SNX31: variants seen among roughly 807,000 people sequenced by gnomAD.
SNX31 encodes the protein sorting nexin-31.
SNX31 carries 58 observed loss-of-function variants against 65.4 expected under a neutral mutation model. The ratio of observed to expected loss-of-function variants is 0.89; its 90% CI spans 0.72 to 1.10. The LOEUF is 1.10. SNX31 is among the 50% of genes least tolerant of loss of function. The pLI, the probability that SNX31 is intolerant of heterozygous loss-of-function variation, is 0.00. For synonymous variants in SNX31, 181 were observed against 190.1 expected, an observed-to-expected ratio of 0.95 and a Z score of 0.39; for missense variants, 523 against 529.7, an observed-to-expected ratio of 0.99 and a Z score of 0.12.
intron 10 of SNX31, among the ~76,000 whole-genome samples, chr8:100,589,533 C>G (rs773620272): frequency 4.6e-5 from 7 of 152,158 alleles, no homozygotes; most frequent in Non-Finnish European, 8.8e-5. Flanking sequence ...GAAGGGCCAT[C>G]TGAGCAGAGG....
intron 8 of SNX31, among the ~76,000 whole-genome samples, chr8:100,605,113 G>T (rs548885407): frequency 1.3e-5 from 2 of 151,824 alleles, no homozygotes; most frequent in African/African-American, 4.9e-5. Flanking sequence ...TAACCAGGCT[G>T]GTCTTGAACT....
intron 1 of SNX31, among the ~76,000 whole-genome samples, chr8:100,662,123 C>A (rs544335113): frequency 6.6e-6 from 1 of 152,218 alleles, no homozygotes; most frequent in Non-Finnish European, 1.5e-5. Context: ...CCGTGCTCAG[C>A]CGTATTAAAT....
chr8:100,644,907 C>T (rs1488927244), intron 2 of SNX31, among the ~76,000 whole-genome samples: 2 of 152,190 alleles, frequency 1.3e-5, no homozygotes, highest in Non-Finnish European at 2.9e-5. Flanking sequence ...AAGTGATCCA[C>T]CCACCTTGGC....
intron 3 of SNX31, 94 bp downstream of exon 3, chr8:100,635,803 T>C: frequency 2.6e-6 from 2 of 771,752 alleles, no homozygotes; most frequent in Non-Finnish European, 4.2e-6. Flanking sequence ...ATAAATATAT[T>C]GTAAAAGAAT....
intron 12 of SNX31, among the ~76,000 whole-genome samples, chr8:100,582,097 T>C (rs1328965639): frequency 6.6e-6 from 1 of 152,164 alleles, no homozygotes; most frequent in Non-Finnish European, 1.5e-5. Flanking sequence ...AATACAAGGG[T>C]ACTGACTAAT....
rs71274986 is a variant in SNX31 at position 100,591,488 on chromosome 8, C to CAAA, written c.979-2512_979-2510dup. Reference sequence around the variant, plus strand: ...TGGGCAACAGAGTGAGACTCCGTCTCAAAAAAAAAAAAAAAAAAAAGAAGG... The same window carrying CAAA: ...TGGGCAACAGAGTGAGACTCCGTCTCAAAAAAAAAAAAAAAAAAAAAAAGAAGG... On this transcript the variant is annotated intron_variant, in intron 10 of 13. Coordinates refer to ENST00000311812, the MANE Select transcript of SNX31 (RefSeq NM_152628.4). Among the ~76,000 whole-genome samples, 356 of 77,482 alleles carry CAAA rather than the reference C, an allele frequency of 4.6e-3. 3 individuals carry two copies. The highest frequency in any genetic ancestry group is 0.015 in the African/African-American group (318 of 20,988). 50.8% of individuals were successfully genotyped at this position (77,482 alleles called of 152,430 possible). A position where few individuals can be genotyped will look rare whatever the true frequency, so the allele number is the denominator to read the frequency against.
Position 100,610,088 on chromosome 8 carries a change from A to G in SNX31, c.612-1525T>C, listed in dbSNP as rs76685947. On this transcript the variant is annotated intron_variant, in intron 7 of 13. Coordinates refer to ENST00000311812, the MANE Select transcript of SNX31 (RefSeq NM_152628.4). The surrounding 1 kb of genome is among the most constrained non-coding windows in gnomAD (Gnocchi z 4.0). ...CTATGCCAGAATCTCCCCTCCAGAG[A>G]CCTGATCCTCAGCTCTGACAATAGA... 0.02 allele frequency among the ~76,000 whole-genome samples: 3,088 copies of G among 152,298 alleles called. 110 individuals are homozygous for G. Among genetic ancestry groups the G allele is most frequent in the African/African-American group, 0.07 (2,899 of 41,558 alleles).
Position 100,610,242 on chromosome 8 carries a change from G to T in SNX31, c.612-1679C>A, listed in dbSNP as rs1397696595. 6.6e-6 allele frequency among the ~76,000 whole-genome samples: 1 copy of T among 152,180 alleles called. No homozygotes were observed. The highest frequency in any genetic ancestry group is 1.5e-5 in the Non-Finnish European group (1 of 68,038). ...ATCTAGAGTTTACGTATTTAAAAAA[G>T]ACATAGGCAATGCCTAATTTCTAAT... On this transcript the variant is annotated intron_variant, in intron 7 of 13. Coordinates refer to ENST00000311812, the MANE Select transcript of SNX31 (RefSeq NM_152628.4). The surrounding 1 kb of genome is among the most constrained non-coding windows in gnomAD (Gnocchi z 4.0).
At chr8:100,589,320 C>T (rs1814362692) in intron 10 of SNX31, among the ~76,000 whole-genome samples, 1 of 139,850 alleles carries the variant, frequency 7.2e-6, no homozygotes. Flanking sequence ...AAAAAAAAAG[C>T]CCATTAATGT....
At position 100,649,647 on chromosome 8, in the gene SNX31, T is replaced by C. The variant is rs1819898162; in HGVS notation, c.-133A>G. ...TCAGAGCGAACCCCGGCGCCCGCTC[T>C]CGCCGGCCGGGGACATCTACAGGTG... On this transcript the variant is annotated 5_prime_UTR_variant, in exon 1 of 14. Transcript: ENST00000311812. The C allele has an allele frequency of 1.2e-6, 1 of 859,880 alleles. No homozygotes were observed. Among genetic ancestry groups the C allele is most frequent in the East Asian group, 3.0e-5 (1 of 33,508 alleles). The allele number at this position is 859,880 out of a possible 1,614,324, so 53.3% of individuals were successfully genotyped here. A position where few individuals can be genotyped will look rare whatever the true frequency, so the allele number is the denominator to read the frequency against.
chr8:100,621,647 C>A (rs1034144293), intron 4 of SNX31, among the ~76,000 whole-genome samples: 4 of 152,194 alleles, frequency 2.6e-5, no homozygotes, highest in Non-Finnish European at 5.9e-5. Context: ...ATTCTCCTCC[C>A]CTACCAAGTG....
rs997403052 is a variant in SNX31, at chr8:100,636,961, T to A, written c.142-950A>T. The stretch of plus-strand genomic sequence containing the variant: ...GTCTCAAACTCCTGACCTTAGGTGA[T>A]CCACCTGCCTCTGCCTCCCACAGTG... On this transcript the variant is annotated intron_variant, in intron 2 of 13. Coordinates refer to ENST00000311812, the MANE Select transcript of SNX31 (RefSeq NM_152628.4). Among the ~76,000 whole-genome samples, 7 of 152,342 alleles carry A rather than the reference T, an allele frequency of 4.6e-5. No individual in the cohort carries two copies. In the East Asian group the frequency reaches 1.3e-3, roughly 29 times the overall value.
intron 8 of SNX31, among the ~76,000 whole-genome samples, chr8:100,603,878 C>T (rs1815893360): frequency 6.6e-6 from 1 of 152,178 alleles, no homozygotes; most frequent in Non-Finnish European, 1.5e-5. Context: ...GCTGGGACTA[C>T]AGGCATGTGC....
intron 4 of SNX31, among the ~76,000 whole-genome samples, chr8:100,627,394 C>T (rs1010699047): frequency 5.3e-5 from 8 of 152,102 alleles, no homozygotes; most frequent in African/African-American, 1.9e-4. Context: ...CAAAACAAAG[C>T]TTAACAACAT....
rs1347737793 is a variant in SNX31, at chr8:100,610,396, C to G, written c.611+1604G>C. Among the ~76,000 whole-genome samples the G allele has an allele frequency of 6.7e-6, 1 of 149,956 alleles. No individual in the cohort carries two copies. Reference sequence around the variant, plus strand: ...TTTTGCTTCCTATAATCACCATCATCATCAATATAACAGTCACAAACATGA... The same window carrying G: ...TTTTGCTTCCTATAATCACCATCATGATCAATATAACAGTCACAAACATGA... On this transcript the variant is annotated intron_variant, in intron 7 of 13. Coordinates refer to ENST00000311812, the MANE Select transcript of SNX31 (RefSeq NM_152628.4). This position sits in a 1 kb window ranked among gnomAD's most constrained non-coding sequence, Gnocchi z 4.0.
chr8:100,642,658 T>G (rs1819338817), intron 2 of SNX31, among the ~76,000 whole-genome samples: 1 of 152,082 alleles, frequency 6.6e-6, no homozygotes, highest in Non-Finnish European at 1.5e-5. Flanking sequence ...AAATCCAAAT[T>G]CAACTCCACC....
chr8:100,596,284 C>T (rs1461505950), intron 10 of SNX31, among the ~76,000 whole-genome samples: 1 of 152,170 alleles, frequency 6.6e-6, no homozygotes, highest in South Asian at 2.1e-4. Context: ...AGAGCTCTGC[C>T]AGTCAGTGCC....
intron 4 of SNX31, chr8:100,618,314 T>A: frequency 6.5e-7 from 1 of 1,532,656 alleles, no homozygotes; most frequent in Non-Finnish European, 8.7e-7. Context: ...TCCTTAACAG[T>A]CTCATAATTA....
intron 2 of SNX31, among the ~76,000 whole-genome samples, chr8:100,642,031 A>T (rs887225427): frequency 6.6e-6 from 1 of 152,134 alleles, no homozygotes; most frequent in Non-Finnish European, 1.5e-5. Context: ...GTGAGCCGAG[A>T]TCGCGCCACT....
Sources: allele counts gnomAD v4.1 joint callset (sites outside exome capture counted in the v4.1 genomes callset), GRCh38; gene constraint gnomAD v4.1.1; non-coding constraint Gnocchi (gnomAD v3.1); transcripts MANE v1.5; gene names NCBI Gene and HGNC (gene_info 2026-07-23, HGNC 2026-07-21).